The following CTNNBL1 variants were observed in gnomAD, a reference collection of about 807,000 sequenced individuals.
CTNNBL1 encodes catenin beta like 1.
CTNNBL1 carries 31 observed loss-of-function variants against 72.7 expected under a neutral mutation model. The ratio of observed to expected loss-of-function variants is 0.43; its 90% CI spans 0.32 to 0.58. CTNNBL1 has a LOEUF of 0.58. Ranked by LOEUF, CTNNBL1 falls within the 20% of genes least tolerant of loss-of-function variation. The probability of loss-of-function intolerance (pLI) is 0.08; values close to 1 mark genes in which losing one functional copy is unlikely to be tolerated. For synonymous variants in CTNNBL1, 240 were observed against 267.3 expected, an observed-to-expected ratio of 0.90 and a Z score of 1.00; for missense variants, 534 against 725.1, an observed-to-expected ratio of 0.74 and a Z score of 3.03.
intron 3 of CTNNBL1, among the ~76,000 whole-genome samples, chr20:37,742,884 A>G (rs1170508754): frequency 6.6e-6 from 1 of 151,916 alleles, no homozygotes; most frequent in East Asian, 1.9e-4. Context: ...GCTCACTGCA[A>G]CCTCCACCTC....
chr20:37,841,470 T>C (rs1020546803), intron 12 of CTNNBL1, among the ~76,000 whole-genome samples: 3 of 152,220 alleles, frequency 2.0e-5, no homozygotes, highest in Non-Finnish European at 4.4e-5. Flanking sequence ...AGCTGCAACA[T>C]TAAGGTCTTA....
chr20:37,793,779 T>C (rs1600491611), intron 10 of CTNNBL1, among the ~76,000 whole-genome samples: 1 of 152,238 alleles, frequency 6.6e-6, no homozygotes, highest in Admixed American at 6.5e-5. Context: ...TGGTCAGTTA[T>C]CTTTTTTTTC....
intron 4 of CTNNBL1, among the ~76,000 whole-genome samples, chr20:37,755,605 A>G (rs1387836777): frequency 3.9e-5 from 6 of 152,180 alleles, no homozygotes; most frequent in Non-Finnish European, 7.3e-5. Flanking sequence ...GAGATGAGTA[A>G]AGCAAACCTT....
At position 37,813,239 on chromosome 20, in the gene CTNNBL1, G is replaced by A. The variant is rs145064850; in HGVS notation, c.1213+10191G>A. Among the ~76,000 whole-genome samples the A allele has an allele frequency of 9.8e-4, 149 of 152,332 alleles. 1 individual carries two copies. The highest frequency in any genetic ancestry group is 1.8e-3 in the Non-Finnish European group (124 of 68,030). Reference sequence around the variant, plus strand: ...CTTGCTGAGGAGAGTATGGAGATTAGATAGTTAAGCAGAAGCCAGACCTGG... The same window carrying A: ...CTTGCTGAGGAGAGTATGGAGATTAAATAGTTAAGCAGAAGCCAGACCTGG... On this transcript the variant is annotated intron_variant, in intron 11 of 15. Coordinates refer to ENST00000361383, the MANE Select transcript of CTNNBL1 (RefSeq NM_030877.5).
intron 1 of CTNNBL1, among the ~76,000 whole-genome samples, chr20:37,719,608 C>T (rs6020456): frequency 2.6e-5 from 4 of 152,348 alleles, no homozygotes; most frequent in African/African-American, 9.6e-5. Context: ...CAGTTCCTTT[C>T]TCATCTCCCC....
At chr20:37,863,496 C>G (rs940833681) in intron 15 of CTNNBL1, among the ~76,000 whole-genome samples, 8 of 152,140 alleles carry the variant, frequency 5.3e-5, no homozygotes, top group Non-Finnish European at 1.0e-4. Context: ...AGGGAGGGAG[C>G]CACTTCTCCT....
At chr20:37,848,057 T>C (rs1235580388) in intron 13 of CTNNBL1, among the ~76,000 whole-genome samples, 1 of 151,986 alleles carries the variant, frequency 6.6e-6, no homozygotes, top group Non-Finnish European at 1.5e-5. Context: ...CTGCCATCGA[T>C]TCTTCTGCTA....
chr20:37,856,707 C>T (rs1242806517), intron 13 of CTNNBL1, among the ~76,000 whole-genome samples: 2 of 152,158 alleles, frequency 1.3e-5, no homozygotes, highest in Non-Finnish European at 2.9e-5. Flanking sequence ...AAAGTCACTT[C>T]TTCCAGGACG....
chr20:37,718,578 C>T lies in CTNNBL1; in HGVS notation c.31-14301C>T, dbSNP rs375891014. 9.4e-5 allele frequency among the ~76,000 whole-genome samples: 14 copies of T among 149,282 alleles called. No homozygotes were observed. In the East Asian group the frequency reaches 1.2e-3, roughly 13 times the overall value. On this transcript the variant is annotated intron_variant, in intron 1 of 15. Coordinates refer to ENST00000361383, the MANE Select transcript of CTNNBL1 (RefSeq NM_030877.5). Reference sequence around the variant, plus strand: ...TCACCTCCCCGACAGGGCGGATGGCCGGGCGGGGGGCTGACCCCCCCCACC... The same window carrying T: ...TCACCTCCCCGACAGGGCGGATGGCTGGGCGGGGGGCTGACCCCCCCCACC...
At chr20:37,824,008 AG>A (rs2072134817) in intron 11 of CTNNBL1, among the ~76,000 whole-genome samples, 1 of 152,024 alleles carries the variant, frequency 6.6e-6, no homozygotes, top group South Asian at 2.1e-4. Flanking sequence ...GGGTAGGGAG[AG>A]GAGTGGTAAC....
At chr20:37,784,792 ATAT>A (rs1374741120) in intron 10 of CTNNBL1, among the ~76,000 whole-genome samples, 5 of 152,166 alleles carry the variant, frequency 3.3e-5, no homozygotes, top group Non-Finnish European at 7.3e-5. Flanking sequence ...CAGTGTTATA[ATAT>A]TCTGTGTTTT....
At chr20:37,830,549 T>C (rs1392256498) in intron 11 of CTNNBL1, among the ~76,000 whole-genome samples, 1 of 152,226 alleles carries the variant, frequency 6.6e-6, no homozygotes, top group Non-Finnish European at 1.5e-5. Flanking sequence ...TAGGGATTGT[T>C]ACTGTGCACC....
intron 4 of CTNNBL1, among the ~76,000 whole-genome samples, chr20:37,752,740 G>A (rs1279087189): frequency 1.3e-5 from 2 of 151,954 alleles, no homozygotes; most frequent in Non-Finnish European, 2.9e-5. Flanking sequence ...GGACCATTTC[G>A]TGCCCAGCTG....
chr20:37,733,908 G>A (rs1249441934), intron 2 of CTNNBL1, among the ~76,000 whole-genome samples: 1 of 152,122 alleles, frequency 6.6e-6, no homozygotes, highest in African/African-American at 2.4e-5. Flanking sequence ...GCTCTTGGTA[G>A]GCCCTTAATA....
intron 9 of CTNNBL1, 51 bp downstream of exon 9, chr20:37,777,763 G>A (rs369540888): frequency 1.0e-4 from 162 of 1,562,236 alleles, no homozygotes; most frequent in Non-Finnish European, 1.9e-5. Flanking sequence ...GGTCTGCTTT[G>A]AATGGGAGGT....
At chr20:37,857,221 C>T (rs1004983272) in intron 13 of CTNNBL1, among the ~76,000 whole-genome samples, 35 of 152,240 alleles carry the variant, frequency 2.3e-4, no homozygotes, top group Non-Finnish European at 5.9e-5. Flanking sequence ...ACTCGTTGGA[C>T]ATGAGTCCAG....
chr20:37,842,247 G>T (rs1216792246), intron 12 of CTNNBL1, 92 bp from the exon 13 acceptor site: 1 of 882,638 alleles, frequency 1.1e-6, no homozygotes, highest in Non-Finnish European at 1.9e-6. Flanking sequence ...CCCTTTGTAA[G>T]GGAGCGACAG....
chr20:37,828,299 G>A (rs529382274), intron 11 of CTNNBL1, among the ~76,000 whole-genome samples: 4 of 152,218 alleles, frequency 2.6e-5, no homozygotes, highest in East Asian at 1.9e-4. Flanking sequence ...GCTCATCTCC[G>A]CACATCCTTA....
At chr20:37,786,564 A>G (rs1193486899) in intron 10 of CTNNBL1, among the ~76,000 whole-genome samples, 1 of 152,120 alleles carries the variant, frequency 6.6e-6, no homozygotes, top group Non-Finnish European at 1.5e-5. Context: ...ATATATATAT[A>G]TGCATATATG....
Sources: allele counts gnomAD v4.1 joint callset (sites outside exome capture counted in the v4.1 genomes callset), GRCh38; gene constraint gnomAD v4.1.1; transcripts MANE v1.5; gene names NCBI Gene and HGNC (gene_info 2026-07-23, HGNC 2026-07-21).